The following KLHL1 variants were observed in gnomAD, a reference collection of about 807,000 sequenced individuals.
KLHL1 encodes kelch like family member 1.
A neutral mutation model predicts 77.7 loss-of-function variants in KLHL1; 47 were observed. The ratio of observed to expected loss-of-function variants is 0.60; its 90% confidence interval spans 0.48 to 0.77. KLHL1 has a LOEUF of 0.77. KLHL1 is among the 30% of genes least tolerant of loss of function. The pLI is 0.00. For synonymous variants in KLHL1, 360 were observed against 325.2 expected (o/e 1.11, Z -1.15); for missense variants, 925 against 910.8 (o/e 1.02, Z -0.20).
chr13:69,938,449 T>A (rs888929749), intron 4 of KLHL1, among the ~76,000 whole-genome samples: 1 of 152,026 alleles, frequency 6.6e-6, no homozygotes. Flanking sequence ...AAGAAAAAAA[T>A]TTGTTACTAT....
chr13:69,798,093 T>TTA (rs148812789), intron 6 of KLHL1, among the ~76,000 whole-genome samples: 38,250 of 145,252 alleles, frequency 0.26, 4,904 homozygotes, highest in South Asian at 0.34. Context: ...TCCCAAATGT[T>TTA]TATAAGATAA....
At chr13:69,983,628 T>G (rs58550165) in intron 1 of KLHL1, among the ~76,000 whole-genome samples, 19,653 of 144,888 alleles carry the variant, frequency 0.14, 3,027 homozygotes, top group African/African-American at 0.39. Flanking sequence ...AAAGCTGTGT[T>G]TGATGGTAAA....
At chr13:69,713,294 T>G (rs1875963840) in intron 9 of KLHL1, among the ~76,000 whole-genome samples, 1 of 152,202 alleles carries the variant, frequency 6.6e-6, no homozygotes, top group Admixed American at 6.6e-5. Context: ...TTTCTTTTTA[T>G]GCCTAACACT....
At chr13:70,068,370 C>CA (rs747930110) in intron 1 of KLHL1, among the ~76,000 whole-genome samples, 29,416 of 115,488 alleles carry the variant, frequency 0.25, 3,328 homozygotes, top group African/African-American at 0.38. Context: ...AAAACAAAAA[C>CA]AAAAAAAAAG....
At chr13:69,903,089 C>T (rs1881927235) in intron 4 of KLHL1, among the ~76,000 whole-genome samples, 1 of 152,054 alleles carries the variant, frequency 6.6e-6, no homozygotes, top group Non-Finnish European at 1.5e-5. Context: ...TCAATGGACT[C>T]CCTGTGGCTA....
intron 7 of KLHL1, among the ~76,000 whole-genome samples, chr13:69,752,593 G>GTTGT (rs1447788874): frequency 6.6e-6 from 1 of 152,146 alleles, no homozygotes; most frequent in African/African-American, 2.4e-5. Flanking sequence ...GTAGCTAAGA[G>GTTGT]TTGTTTTCTT....
Position 70,086,580 on chromosome 13 carries a change from AAAAAAAAAAAAAAGAAAGAAAG to A in KLHL1, c.497+20601_497+20622del, listed in dbSNP as rs1887541986. On this transcript the variant is annotated intron_variant, in intron 1 of 10. Transcript: ENST00000377844. ...AGAGGGAAGCTCTGTCTCAAAAAAA[AAAAAAAAAAAAAAGAAAGAAAG>A]AAAGAAAGAAAGAAAGAAAGAAAGA... Among the ~76,000 whole-genome samples the A allele has an allele frequency of 1.4e-4, 6 of 42,232 alleles. No individual in the cohort carries two copies. The South Asian group carries it at 6.7e-3, about 47-fold the overall frequency. 27.7% of individuals were successfully genotyped at this position (42,232 alleles called of 152,430 possible). A position where few individuals can be genotyped will look rare whatever the true frequency, so the allele number is the denominator to read the frequency against.
At chr13:69,909,070 T>G (rs1229828173) in intron 4 of KLHL1, among the ~76,000 whole-genome samples, 3 of 149,614 alleles carry the variant, frequency 2.0e-5, no homozygotes, top group African/African-American at 7.3e-5. Context: ...TATACATGTA[T>G]ATAGTATTTA....
At chr13:69,780,757 T>C (rs1030272) in intron 7 of KLHL1, among the ~76,000 whole-genome samples, 34,808 of 127,890 alleles carry the variant, frequency 0.27, 5,456 homozygotes, top group South Asian at 0.36. Flanking sequence ...TATATATATA[T>C]ACACACACAT....
intron 4 of KLHL1, among the ~76,000 whole-genome samples, chr13:69,885,743 C>G (rs370072567): frequency 2.6e-5 from 4 of 152,052 alleles, no homozygotes; most frequent in African/African-American, 9.7e-5. Flanking sequence ...TATCAAAACC[C>G]TGATATATGG....
At chr13:69,722,547 T>C (rs1487072787) in intron 8 of KLHL1, among the ~76,000 whole-genome samples, 1 of 151,816 alleles carries the variant, frequency 6.6e-6, no homozygotes. Flanking sequence ...GATATATGAA[T>C]AAATTCTCAA....
rs1416724925 is a variant in KLHL1 at position 69,710,798 on chromosome 13, G to GT, written c.2016-3003dup. Among the ~76,000 whole-genome samples the GT allele has an allele frequency of 3.4e-5, 5 of 145,796 alleles. No homozygotes were observed. In the South Asian group the frequency reaches 1.0e-3, roughly 31 times the overall value. On this transcript the variant is annotated intron_variant, in intron 9 of 10. Transcript: ENST00000377844. ...GCCATTTTTTGCCTCTAGTTGCCAG[G>GT]TTTGTTTGTTTGTTTGTTTGTTTTT...
At chr13:69,966,139 T>A (rs1190845968) in intron 2 of KLHL1, among the ~76,000 whole-genome samples, 1 of 152,128 alleles carries the variant, frequency 6.6e-6, no homozygotes, top group African/African-American at 2.4e-5. Flanking sequence ...CACTAAACAA[T>A]AAATTTTCAG....
At chr13:69,835,019 A>G (rs1471075118) in intron 6 of KLHL1, among the ~76,000 whole-genome samples, 1 of 152,190 alleles carries the variant, frequency 6.6e-6, no homozygotes, top group African/African-American at 2.4e-5. Context: ...TGAAAATAGT[A>G]TATTAAATTT....
At chr13:69,797,664 A>C (rs1593841611) in intron 6 of KLHL1, among the ~76,000 whole-genome samples, 1 of 70,188 alleles carries the variant, frequency 1.4e-5, no homozygotes, top group Non-Finnish European at 3.0e-5. Flanking sequence ...TAAAAATACA[A>C]AAAAAAAAAA....
At position 69,814,167 on chromosome 13, in the gene KLHL1, G is replaced by T. The variant is rs150289379; in HGVS notation, c.1415-17205C>A. Among the ~76,000 whole-genome samples, 29 of 152,138 alleles carry T rather than the reference G, an allele frequency of 1.9e-4. No homozygotes were observed. The South Asian group carries it at 6.0e-3, about 32-fold the overall frequency. ...GGAAAGAATACCCTAATCAATAAAT[G>T]GTTTCGGGAACACAGGCTTACCATA... On this transcript the variant is annotated intron_variant, in intron 6 of 10. Coordinates refer to ENST00000377844, the MANE Select transcript of KLHL1 (RefSeq NM_020866.3).
chr13:70,043,279 A>G (rs950035266), intron 1 of KLHL1, among the ~76,000 whole-genome samples: 1 of 152,174 alleles, frequency 6.6e-6, no homozygotes, highest in Non-Finnish European at 1.5e-5. Context: ...GTTATATAAT[A>G]AGAAAAAATA....
At chr13:69,745,924 A>G (rs1298177908) in intron 7 of KLHL1, among the ~76,000 whole-genome samples, 1 of 151,700 alleles carries the variant, frequency 6.6e-6, no homozygotes, top group Non-Finnish European at 1.5e-5. Flanking sequence ...GATAATTAAT[A>G]TCTTTACAAC....
chr13:69,969,517 T>C (rs1365158984), intron 2 of KLHL1, among the ~76,000 whole-genome samples: 5 of 152,108 alleles, frequency 3.3e-5, no homozygotes, highest in East Asian at 1.9e-4. Flanking sequence ...ATATTTCCTA[T>C]GCATAAAAAA....
Sources: allele counts gnomAD v4.1 joint callset (sites outside exome capture counted in the v4.1 genomes callset), GRCh38; gene constraint gnomAD v4.1.1; transcripts MANE v1.5; gene names NCBI Gene and HGNC (gene_info 2026-07-23, HGNC 2026-07-21).